The following CADM1 variants were observed in gnomAD, a reference collection of about 807,000 sequenced individuals.
CADM1 encodes the protein cell adhesion molecule 1, also known as TSLC-1.
In CADM1, 15 loss-of-function variants were observed where a neutral mutation model predicts 53.1. That is an observed-to-expected ratio of 0.28 (90% CI 0.19 to 0.44). CADM1 has a LOEUF of 0.44. Among genes scored for constraint, CADM1 ranks in the 20% least tolerant of loss-of-function variants. The pLI, the probability that CADM1 is intolerant of heterozygous loss-of-function variation, is 1.00. For missense variants in CADM1, 434 were observed against 611.3 expected (o/e 0.71, Z 3.06); for synonymous variants, 281 against 243.0 (o/e 1.16, Z -1.45).
chr11:115,301,807 A>G (rs964142415), intron 1 of CADM1, among the ~76,000 whole-genome samples: 1 of 152,050 alleles, frequency 6.6e-6, no homozygotes, highest in Non-Finnish European at 1.5e-5. Context: ...AACAGTACAC[A>G]CCCCATAACA....
intron 1 of CADM1, among the ~76,000 whole-genome samples, chr11:115,490,583 A>G (rs1422590101): frequency 1.3e-5 from 2 of 151,888 alleles, no homozygotes; most frequent in African/African-American, 4.8e-5. Flanking sequence ...ATTTTTCAGT[A>G]GAGACAGGGT....
At chr11:115,234,975 G>A (rs537069780) in intron 3 of CADM1, among the ~76,000 whole-genome samples, 1 of 148,566 alleles carries the variant, frequency 6.7e-6, no homozygotes, top group Non-Finnish European at 1.5e-5. Context: ...TCACCATCCT[G>A]TGAAATCACT....
intron 1 of CADM1, among the ~76,000 whole-genome samples, chr11:115,478,750 T>C (rs1481012137): frequency 6.6e-6 from 1 of 152,184 alleles, no homozygotes; most frequent in Non-Finnish European, 1.5e-5. Flanking sequence ...GTATGCATTA[T>C]AGATTAATTA....
chr11:115,231,812 C>T (rs1488708399), intron 3 of CADM1, among the ~76,000 whole-genome samples: 1 of 152,066 alleles, frequency 6.6e-6, no homozygotes, highest in East Asian at 1.9e-4. Context: ...CATGGAGAAA[C>T]CCCATCTCTA....
At chr11:115,326,682 AG>A (rs1416327278) in intron 1 of CADM1, among the ~76,000 whole-genome samples, 1 of 152,176 alleles carries the variant, frequency 6.6e-6, no homozygotes, top group Non-Finnish European at 1.5e-5. Context: ...CTGCACATTT[AG>A]TACTAAATGT....
chr11:115,433,778 C>T (rs998080153), intron 1 of CADM1, among the ~76,000 whole-genome samples: 1 of 152,180 alleles, frequency 6.6e-6, no homozygotes, highest in Non-Finnish European at 1.5e-5. Context: ...TGCGAAAGAG[C>T]ATTACACTGT....
chr11:115,438,720 C>A (rs1350449763), intron 1 of CADM1, among the ~76,000 whole-genome samples: 5 of 150,356 alleles, frequency 3.3e-5, no homozygotes, highest in Admixed American at 2.0e-4. Flanking sequence ...ATGGTTTGAT[C>A]AAAAAAAAAG....
chr11:115,232,205 A>G (rs1941845115), intron 3 of CADM1, among the ~76,000 whole-genome samples: 1 of 152,164 alleles, frequency 6.6e-6, no homozygotes, highest in Non-Finnish European at 1.5e-5. Flanking sequence ...CAACTCTTGA[A>G]TTTCAATCTT....
At position 115,183,991 on chromosome 11, in the gene CADM1, A is replaced by G. The variant is rs1939430546; in HGVS notation, c.1166-5216T>C. The stretch of plus-strand genomic sequence containing the variant: ...CAGTTTTAGTTCCTTTCCTGGGTGG[A>G]GATCTTGCTGGACAAGTCAGTTTAA... On this transcript the variant is annotated intron_variant, in intron 10 of 11. Coordinates refer to ENST00000331581, the MANE Select transcript of CADM1 (RefSeq NM_001301043.2). 3.9e-5 allele frequency among the ~76,000 whole-genome samples: 6 copies of G among 152,270 alleles called. No homozygotes were observed. The South Asian group carries it at 1.2e-3, about 32-fold the overall frequency.
At chr11:115,242,311 T>G (rs1226815187) in intron 1 of CADM1, among the ~76,000 whole-genome samples, 1 of 47,136 alleles carries the variant, frequency 2.1e-5, no homozygotes, top group African/African-American at 8.8e-5. Flanking sequence ...TGTTACAGAA[T>G]AACAACAAAG....
chr11:115,169,976 C>T lies in CADM1; in HGVS notation c.*6498G>A, dbSNP rs554330041. 121 of 193,400 alleles carry T rather than the reference C, an allele frequency of 6.3e-4. No homozygotes were observed. Among genetic ancestry groups the T allele is most frequent in the African/African-American group, 2.7e-3 (116 of 43,270 alleles). 12.0% of individuals were successfully genotyped at this position (193,400 alleles called of 1,614,324 possible). A position where few individuals can be genotyped will look rare whatever the true frequency, so the allele number is the denominator to read the frequency against. On this transcript the variant is annotated 3_prime_UTR_variant, in exon 12 of 12. Transcript: ENST00000331581. ...CTCTGGAAGACTGAAATATCAATTA[C>T]GGATCAATTTTCCCCCTAAGTAAAC...
intron 1 of CADM1, among the ~76,000 whole-genome samples, chr11:115,270,219 T>C (rs1943259446): frequency 1.3e-5 from 2 of 152,344 alleles, no homozygotes; most frequent in East Asian, 1.9e-4. Context: ...GACACTTTGA[T>C]GAATAGTAGC....
chr11:115,366,929 T>C, intron 1 of CADM1, among the ~76,000 whole-genome samples: 1 of 152,210 alleles, frequency 6.6e-6, no homozygotes. Context: ...TTTAAACAAT[T>C]TTATGTGTGG....
chr11:115,304,576 A>G (rs1483364396), intron 1 of CADM1, among the ~76,000 whole-genome samples: 1 of 152,032 alleles, frequency 6.6e-6, no homozygotes, highest in African/African-American at 2.4e-5. Context: ...CTGGCTTCAA[A>G]GAAAACTTAA....
chr11:115,471,879 G>A (rs1343728189), intron 1 of CADM1, among the ~76,000 whole-genome samples: 1 of 152,194 alleles, frequency 6.6e-6, no homozygotes, highest in Non-Finnish European at 1.5e-5. Context: ...AAACAAGAAA[G>A]ATTGGGTTGG....
Position 115,175,986 on chromosome 11 carries a change from A to G in CADM1, c.*488T>C. On this transcript the variant is annotated 3_prime_UTR_variant, in exon 12 of 12. Transcript: ENST00000331581. ...TTATGAAACTGAATTTGGAACAGAA[A>G]GCAGTTACCATAAAAATAAACAAAA... The G allele has an allele frequency of 9.6e-7, 1 of 1,037,524 alleles. No individual in the cohort carries two copies. The highest frequency in any genetic ancestry group is 1.2e-6 in the Non-Finnish European group (1 of 862,214). The allele number at this position is 1,037,524 out of a possible 1,614,324, so 64.3% of individuals were successfully genotyped here. A position where few individuals can be genotyped will look rare whatever the true frequency, so the allele number is the denominator to read the frequency against.
At chr11:115,257,437 TG>T (rs1942827293) in intron 1 of CADM1, among the ~76,000 whole-genome samples, 1 of 152,232 alleles carries the variant, frequency 6.6e-6, no homozygotes. Flanking sequence ...CTGTCCAGAC[TG>T]GAAGCTTCCT....
At chr11:115,474,396 AG>A (rs1267536481) in intron 1 of CADM1, among the ~76,000 whole-genome samples, 1 of 151,854 alleles carries the variant, frequency 6.6e-6, no homozygotes, top group Non-Finnish European at 1.5e-5. Context: ...GCTCAACATC[AG>A]TAGTCATTTA....
intron 1 of CADM1, among the ~76,000 whole-genome samples, chr11:115,367,809 T>C (rs1322903637): frequency 6.6e-6 from 1 of 152,126 alleles, no homozygotes; most frequent in Non-Finnish European, 1.5e-5. Flanking sequence ...GTAGATACTT[T>C]ATATATCCAA....
Sources: gnomAD v4.1 joint callset for allele counts (sites outside exome capture counted in the v4.1 genomes callset) on GRCh38, gnomAD v4.1.1 for gene constraint, MANE v1.5 for transcripts, NCBI Gene and HGNC (gene_info 2026-07-23, HGNC 2026-07-21) for gene names.